Variants in OPRD1 observed in about 807,000 individuals in gnomAD.
OPRD1 encodes delta-type opioid receptor.
In OPRD1, 19 loss-of-function variants were observed where a neutral mutation model predicts 17.5. The observed-to-expected ratio is 1.09, with a 90% CI of 0.76 to 1.60. The LOEUF (loss-of-function observed/expected upper bound fraction) is 1.60, where lower values mean the gene tolerates loss of function less well. OPRD1 is among the 40% of genes most tolerant of loss of function. OPRD1 has a pLI of 0.00. For synonymous variants in OPRD1, 256 were observed against 240.9 expected (o/e 1.06, Z -0.58); for missense variants, 483 against 547.2 (o/e 0.88, Z 1.17).
intron 1 of OPRD1, among the ~76,000 whole-genome samples, chr1:28,857,500 G>T (rs1000493227): frequency 6.6e-6 from 1 of 151,912 alleles, no homozygotes; most frequent in African/African-American, 2.4e-5. Flanking sequence ...ACAGTGTCTT[G>T]CTCTGTCAAC....
chr1:28,845,293 G>T (rs924403760), intron 1 of OPRD1, among the ~76,000 whole-genome samples: 1 of 151,814 alleles, frequency 6.6e-6, no homozygotes, highest in Non-Finnish European at 1.5e-5. Context: ...AGACTAGCCT[G>T]GTAAACATAG....
chr1:28,847,857 A>G (rs993184718), intron 1 of OPRD1, among the ~76,000 whole-genome samples: 9 of 152,098 alleles, frequency 5.9e-5, no homozygotes, highest in African/African-American at 2.2e-4. Context: ...AAATAAATAA[A>G]TAAAACCAGA....
At chr1:28,818,553 C>G (rs1417423427) in intron 1 of OPRD1, among the ~76,000 whole-genome samples, 1 of 152,168 alleles carries the variant, frequency 6.6e-6, no homozygotes, top group Non-Finnish European at 1.5e-5. Flanking sequence ...AATGATTCAC[C>G]AATTCACCGA....
At chr1:28,814,193 C>A (rs534552194) in intron 1 of OPRD1, among the ~76,000 whole-genome samples, 2 of 152,262 alleles carry the variant, frequency 1.3e-5, no homozygotes, top group Admixed American at 1.3e-4. Context: ...GGCTTCGAGG[C>A]AGGCCGGCCT....
chr1:28,824,981 A>G (rs1247249238), intron 1 of OPRD1, among the ~76,000 whole-genome samples: 1 of 151,476 alleles, frequency 6.6e-6, no homozygotes, highest in African/African-American at 2.4e-5. Flanking sequence ...ACAGGTGCCC[A>G]CCACCGCGCC....
chr1:28,812,501 G>T lies in OPRD1; in HGVS notation c.118G>T (p.Ala40Ser). 5 of 1,562,874 alleles carry T rather than the reference G, an allele frequency of 3.2e-6. No individual in the cohort carries two copies. Among genetic ancestry groups the T allele is most frequent in the Non-Finnish European group, 4.3e-6 (5 of 1,163,160 alleles). Reference protein sequence around the residue: ...AGANASGPPGARSASSLALAI... With the variant: ...AGANASGPPGSRSASSLALAI... ...CGCCAATGCGTCGGGGCCGCCAGGCGCGCGGAGCGCCTCGTCCCTCGCCCT... is the reference window on the plus strand; with the variant it reads ...CGCCAATGCGTCGGGGCCGCCAGGCTCGCGGAGCGCCTCGTCCCTCGCCCT... The change falls in exon 1 of 3, where the codon GCG becomes TCG. Residue 40 changes from alanine to serine, a missense_variant. Physicochemically the swap from Ala to Ser is moderately conservative, Grantham distance 99. Coordinates refer to ENST00000234961, the MANE Select transcript of OPRD1 (RefSeq NM_000911.4).
chr1:28,827,680 T>A (rs2124265875), intron 1 of OPRD1, among the ~76,000 whole-genome samples: 1 of 152,184 alleles, frequency 6.6e-6, no homozygotes, highest in African/African-American at 2.4e-5. Context: ...CTCAAAGTCA[T>A]CCATGAGGGC....
chr1:28,852,656 G>A (rs1392052780), intron 1 of OPRD1, among the ~76,000 whole-genome samples: 1 of 152,080 alleles, frequency 6.6e-6, no homozygotes, highest in Non-Finnish European at 1.5e-5. Flanking sequence ...ACTCCAGCCT[G>A]GACGACATAG....
intron 1 of OPRD1, among the ~76,000 whole-genome samples, chr1:28,827,829 A>G (rs1443993768): frequency 2.0e-5 from 3 of 152,136 alleles, no homozygotes; most frequent in African/African-American, 7.2e-5. Flanking sequence ...GGCTCAAACT[A>G]TCCTCTTGCC....
In OPRD1 at chr1:28,868,482, C is replaced by T. The variant is rs1417538545; in HGVS notation, c.*5199C>T. ...AGTGGGGCCTCGATACAGGCTTATT[C>T]TCTGATAATTACACGTGTGCCAGAG... On this transcript the variant is annotated 3_prime_UTR_variant, in exon 3 of 3. Coordinates refer to ENST00000234961, the MANE Select transcript of OPRD1 (RefSeq NM_000911.4). 6.6e-6 allele frequency: 1 copy of T among 152,234 alleles called. No homozygotes were observed. The highest frequency in any genetic ancestry group is 1.5e-5 in the Non-Finnish European group (1 of 68,058). The allele number at this position is 152,234 out of a possible 1,614,324, so 9.4% of individuals were successfully genotyped here.
chr1:28,842,022 C>CTTATTTTTATTT (rs1177110789), intron 1 of OPRD1, among the ~76,000 whole-genome samples: 1 of 151,128 alleles, frequency 6.6e-6, no homozygotes, highest in African/African-American at 2.4e-5. Flanking sequence ...TTGTGCCGGC[C>CTTATTTTTATTT]TTATTTTTAT....
At chr1:28,833,195 T>A (rs915655919) in intron 1 of OPRD1, among the ~76,000 whole-genome samples, 27 of 152,170 alleles carry the variant, frequency 1.8e-4, no homozygotes, top group Admixed American at 3.3e-4. Flanking sequence ...GACTCAGAGA[T>A]GAAAGACTTT....
rs77585854 is a variant in OPRD1, at chr1:28,863,089, G to A, written c.925G>A (p.Ala309Thr). The stretch of plus-strand genomic sequence containing the variant: ...GCACCTGTGCATCGCGCTGGGCTAC[G>A]CCAATAGCAGCCTCAACCCCGTGCT... Reference protein sequence around the residue: ...ALHLCIALGYANSSLNPVLYA... With the variant: ...ALHLCIALGYTNSSLNPVLYA... Residue 309 changes from alanine (A) to threonine (T), a missense_variant, in exon 3 of 3, where the codon GCC (alanine) becomes ACC (threonine). Transcript: ENST00000234961. 4.2e-3 allele frequency: 6,811 copies of A among 1,608,704 alleles called. 254 individuals are homozygous for A. The Admixed American group carries it at 0.083, about 20-fold the overall frequency.
chr1:28,814,691 G>A (rs1219561219), intron 1 of OPRD1, among the ~76,000 whole-genome samples: 1 of 152,226 alleles, frequency 6.6e-6, no homozygotes, highest in Non-Finnish European at 1.5e-5. Flanking sequence ...ACTGCTGAGG[G>A]TCCACTGTGG....
chr1:28,831,716 T>C lies in OPRD1; in HGVS notation c.227+19106T>C, dbSNP rs187590253. ...CCACCATGCCTGGCTAATTTTTTTA[T>C]TTGTAGAGATGAGGTCTCACTATGT... is the stretch of plus-strand genomic sequence containing the variant. On this transcript the variant is annotated intron_variant, in intron 1 of 2. Transcript: ENST00000234961. 4.3e-3 allele frequency among the ~76,000 whole-genome samples: 648 copies of C among 151,910 alleles called. 1 individual carries two copies. Among genetic ancestry groups the C allele is most frequent in the Non-Finnish European group, 6.6e-3 (448 of 67,938 alleles).
chr1:28,847,343 C>T (rs1460947026), intron 1 of OPRD1, among the ~76,000 whole-genome samples: 5 of 152,144 alleles, frequency 3.3e-5, no homozygotes, highest in East Asian at 1.9e-4. Context: ...TGAGCTACCG[C>T]GCCCAGCCGA....
At chr1:28,848,402 C>G (rs951032085) in intron 1 of OPRD1, among the ~76,000 whole-genome samples, 1 of 152,188 alleles carries the variant, frequency 6.6e-6, no homozygotes, top group African/African-American at 2.4e-5. Flanking sequence ...CCTCCACACT[C>G]CCCAGCCTGT....
chr1:28,862,994 T>C lies in OPRD1; in HGVS notation c.830T>C (p.Ile277Thr). Reference protein sequence around the residue: ...VGAFVVCWAPIHIFVIVWTLV... With the variant: ...VGAFVVCWAPTHIFVIVWTLV... ...GCCTTCGTGGTGTGTTGGGCGCCCA[T>C]CCACATCTTCGTCATCGTCTGGACG... is the stretch of plus-strand genomic sequence containing the variant. Residue 277 changes from isoleucine (I) to threonine (T), a missense_variant, in exon 3 of 3, where the codon ATC becomes ACC. Transcript: ENST00000234961. The C allele has an allele frequency of 6.2e-7, 1 of 1,610,518 alleles. No homozygotes were observed. The highest frequency in any genetic ancestry group is 8.5e-7 in the Non-Finnish European group (1 of 1,178,558).
chr1:28,859,445 G>T (rs1401168422), intron 2 of OPRD1, 142 bp downstream of exon 2: 1 of 715,448 alleles, frequency 1.4e-6, no homozygotes, highest in Non-Finnish European at 2.3e-6. Context: ...ATCAATGATG[G>T]TGTGGTGGCT....
Sources: allele counts gnomAD v4.1 joint callset (sites outside exome capture counted in the v4.1 genomes callset), GRCh38; gene constraint gnomAD v4.1.1; transcripts MANE v1.5; gene names NCBI Gene and HGNC (gene_info 2026-07-23, HGNC 2026-07-21).